The following VAC14 variants were observed in gnomAD, a reference collection of about 807,000 sequenced individuals.
VAC14 encodes the protein VAC14 component of PIKFYVE complex.
VAC14 carries 47 observed loss-of-function variants against 85.3 expected under a neutral mutation model. The observed-to-expected ratio is 0.55, with a 90% confidence interval of 0.44 to 0.70. VAC14 has a LOEUF of 0.70. VAC14 is among the 30% of genes least tolerant of loss of function. VAC14 has a pLI of 0.00. For synonymous variants in VAC14, 447 were observed against 430.5 expected, an observed-to-expected ratio of 1.04 and a Z score of -0.47; for missense variants, 861 against 1,004.3, an observed-to-expected ratio of 0.86 and a Z score of 1.93.
chr16:70,718,091 C>T (rs147954122), intron 14 of VAC14, among the ~76,000 whole-genome samples: 1 of 152,254 alleles, frequency 6.6e-6, no homozygotes, highest in African/African-American at 2.4e-5. Context: ...GGCTCTGTGA[C>T]CAGCCACTGC....
At chr16:70,780,652 G>C in intron 9 of VAC14, 138 bp downstream of exon 9, 1 of 1,124,660 alleles carries the variant, frequency 8.9e-7, no homozygotes, top group Non-Finnish European at 1.2e-6. Context: ...CCACTGCGCT[G>C]GGTTGCTGCT....
chr16:70,723,203 CTGAG>C (rs1194835811), intron 14 of VAC14, among the ~76,000 whole-genome samples: 2 of 151,512 alleles, frequency 1.3e-5, no homozygotes, highest in African/African-American at 2.4e-5. Context: ...TTCTGGGTGA[CTGAG>C]TGAGACCCTG....
intron 17 of VAC14, 92 bp from the exon 18 acceptor site, chr16:70,693,063 C>T (rs2053630761): frequency 6.8e-7 from 1 of 1,478,726 alleles, no homozygotes; most frequent in East Asian, 2.4e-5. Flanking sequence ...CCAGGACCAC[C>T]TGGGACTTGG....
intron 10 of VAC14, among the ~76,000 whole-genome samples, chr16:70,763,667 T>C (rs944948268): frequency 6.6e-6 from 1 of 152,156 alleles, no homozygotes. Context: ...TGCGCTCCTT[T>C]GAGTTGGGGA....
chr16:70,777,437 A>C (rs2033577783), intron 9 of VAC14, among the ~76,000 whole-genome samples: 1 of 152,238 alleles, frequency 6.6e-6, no homozygotes, highest in African/African-American at 2.4e-5. Context: ...ACAGATATAA[A>C]GTCAGCAGAG....
chr16:70,764,890 C>T (rs1327194624), intron 10 of VAC14, among the ~76,000 whole-genome samples: 1 of 152,190 alleles, frequency 6.6e-6, no homozygotes, highest in Non-Finnish European at 1.5e-5. Flanking sequence ...TAGCCACTCC[C>T]TTAGCTGACG....
chr16:70,789,170 AAC>A (rs550071726), intron 1 of VAC14, among the ~76,000 whole-genome samples: 1 of 152,216 alleles, frequency 6.6e-6, no homozygotes, highest in Non-Finnish European at 1.5e-5. Flanking sequence ...CTCAAACAGT[AAC>A]ACAGTTTAAC....
intron 18 of VAC14, chr16:70,690,679 C>A (rs2053580175): frequency 1.0e-6 from 1 of 985,730 alleles, no homozygotes; most frequent in Non-Finnish European, 1.2e-6. Flanking sequence ...GCAACTCGAC[C>A]CTGTCTGCCA....
intron 1 of VAC14, among the ~76,000 whole-genome samples, chr16:70,799,679 A>C (rs1227895170): frequency 1.3e-5 from 2 of 152,156 alleles, no homozygotes; most frequent in African/African-American, 4.8e-5. Context: ...TACAACCAAA[A>C]ATCATCTGCC....
chr16:70,731,428 G>T, intron 14 of VAC14, 67 bp downstream of exon 14: 1 of 1,572,132 alleles, frequency 6.4e-7, no homozygotes, highest in Middle Eastern at 1.8e-4. Context: ...TTTGACACTT[G>T]AATGGCGTGA....
chr16:70,725,118 T>C (rs926485389), intron 14 of VAC14, among the ~76,000 whole-genome samples: 1 of 152,270 alleles, frequency 6.6e-6, no homozygotes, highest in Non-Finnish European at 1.5e-5. Context: ...TTCACTCTAA[T>C]TCGCCATCCA....
At chr16:70,708,075 C>T (rs1036654755) in intron 14 of VAC14, among the ~76,000 whole-genome samples, 1 of 152,170 alleles carries the variant, frequency 6.6e-6, no homozygotes, top group African/African-American at 2.4e-5. Flanking sequence ...CAGGCGTGAG[C>T]CACCGCACCT....
At chr16:70,715,868 G>C (rs913097260) in intron 14 of VAC14, 42 of 152,292 alleles carry the variant, frequency 2.8e-4, no homozygotes, top group African/African-American at 9.9e-4. Context: ...TTTTACAAGG[G>C]AAAAAGAAAA....
chr16:70,784,701 A>G (rs1301291683), intron 4 of VAC14, 75 bp downstream of exon 4: 29 of 1,361,066 alleles, frequency 2.1e-5, no homozygotes, highest in Non-Finnish European at 2.7e-5. Context: ...ATTCCCAATG[A>G]CAGAATTTCT....
At chr16:70,733,190 T>C (rs909864058) in intron 13 of VAC14, among the ~76,000 whole-genome samples, 1 of 152,206 alleles carries the variant, frequency 6.6e-6, no homozygotes, top group African/African-American at 2.4e-5. Context: ...CTTCCGTCTC[T>C]ATGGATTTGC....
intron 14 of VAC14, among the ~76,000 whole-genome samples, chr16:70,728,907 G>A (rs967640821): frequency 2.0e-5 from 3 of 152,220 alleles, no homozygotes; most frequent in South Asian, 2.1e-4. Flanking sequence ...ACATTCCGCT[G>A]CTTTCCTGGT....
At chr16:70,747,102 A>G (rs2030960845) in intron 12 of VAC14, 1 of 152,192 alleles carries the variant, frequency 6.6e-6, no homozygotes, top group Admixed American at 6.5e-5. Flanking sequence ...CAGTGGAGAC[A>G]AGGAGAAATG....
At chr16:70,704,639 G>T (rs1025797471) in intron 14 of VAC14, among the ~76,000 whole-genome samples, 4 of 152,228 alleles carry the variant, frequency 2.6e-5, no homozygotes, top group Admixed American at 2.0e-4. Flanking sequence ...CCAGCTCACA[G>T]TGGGAGAGAG....
At position 70,780,823 on chromosome 16, in the gene VAC14, C is replaced by T. The variant is rs767382527; in HGVS notation, c.1063G>A (p.Asp355Asn). Reference protein sequence around the residue: ...GQRQAEPTPDDALPKQEGTAS... With the variant: ...GQRQAEPTPDNALPKQEGTAS... ...GTGCCCTCCTGCTTTGGCAGGGCATCGTCAGGGGTGGGCTCTGCCTGCCTC... is the reference window on the plus strand; with the variant it reads ...GTGCCCTCCTGCTTTGGCAGGGCATTGTCAGGGGTGGGCTCTGCCTGCCTC... Residue 355 changes from aspartate (D) to asparagine (N), a missense_variant, in exon 9 of 19, where the codon GAT becomes AAT. By Grantham distance (23) the Asp-to-Asn change is conservative. Around this residue, in one of 3 missense-constraint regions of VAC14, gnomAD observed 629 missense variants for 703.1 expected, o/e 0.89. Transcript: ENST00000261776. 9.6e-5 allele frequency: 155 copies of T among 1,610,520 alleles called. 3 individuals are homozygous for T. The highest frequency in any genetic ancestry group is 6.6e-4 in the South Asian group (60 of 90,764).
Sources: gnomAD v4.1 joint callset for allele counts (sites outside exome capture counted in the v4.1 genomes callset) on GRCh38, gnomAD v4.1.1 for gene constraint, gnomAD v4.1.1 regional missense constraint, MANE v1.5 for transcripts, NCBI Gene and HGNC (gene_info 2026-07-23, HGNC 2026-07-21) for gene names.